Variants in MTCL3 observed in about 807,000 individuals in gnomAD.
The protein encoded by MTCL3 is microtubule cross-linking factor 3.
At chr6:127,505,776 T>C in the MTCL3 span, among the ~76,000 whole-genome samples, 1 of 152,170 alleles carries the variant, frequency 6.6e-6, no homozygotes, top group Admixed American at 6.5e-5. Context: ...GGGTGCAAAC[T>C]TGGAGTTTAA....
chr6:127,509,467 C>G, the MTCL3 span, among the ~76,000 whole-genome samples: 2 of 152,118 alleles, frequency 1.3e-5, no homozygotes, highest in African/African-American at 4.8e-5. Context: ...TCTATTGGTC[C>G]CAGCGGTGCT....
chr6:127,491,370 C>T, the MTCL3 span, among the ~76,000 whole-genome samples: 4 of 152,184 alleles, frequency 2.6e-5, no homozygotes, highest in Admixed American at 6.5e-5. Flanking sequence ...TTGGCAACCA[C>T]CACCCTGATC....
chr6:127,486,704 G>A, the MTCL3 span, among the ~76,000 whole-genome samples: 142 of 151,996 alleles, frequency 9.3e-4, 1 homozygote, highest in African/African-American at 3.2e-3. Flanking sequence ...AGAGGCTGCT[G>A]TTTTTTTTGA....
the MTCL3 span, among the ~76,000 whole-genome samples, chr6:127,512,376 A>G: frequency 2.6e-4 from 39 of 152,188 alleles, no homozygotes; most frequent in Non-Finnish European, 5.1e-4. Flanking sequence ...ATCTTCAGGG[A>G]TAGTCACTGG....
chr6:127,492,410 T>C, the MTCL3 span, among the ~76,000 whole-genome samples: 1 of 152,206 alleles, frequency 6.6e-6, no homozygotes, highest in African/African-American at 2.4e-5. Context: ...AAAAAAAGAA[T>C]GTAAAAGGCT....
the MTCL3 span, chr6:127,514,983 G>A: frequency 2.5e-6 from 4 of 1,614,012 alleles, no homozygotes; most frequent in Non-Finnish European, 3.4e-6. Flanking sequence ...CAGTTGACAG[G>A]CATCCTCCTC....
At chr6:127,495,508 T>G in the MTCL3 span, among the ~76,000 whole-genome samples, 1 of 152,220 alleles carries the variant, frequency 6.6e-6, no homozygotes, top group Non-Finnish European at 1.5e-5. Context: ...AACTCATTAA[T>G]GCAGTGAAAT....
the MTCL3 span, among the ~76,000 whole-genome samples, chr6:127,499,416 TTATC>T: frequency 6.6e-6 from 1 of 151,876 alleles, no homozygotes; most frequent in Non-Finnish European, 1.5e-5. Flanking sequence ...AACTTGAAAA[TTATC>T]TAAGGCCACA....
At chr6:127,513,019 G>A in the MTCL3 span, 2 of 1,610,950 alleles carry the variant, frequency 1.2e-6, no homozygotes, top group Non-Finnish European at 1.7e-6. Context: ...TCTAATTCAT[G>A]GTGAAGTCTC....
the MTCL3 span, chr6:127,483,030 A>T: frequency 6.8e-7 from 1 of 1,466,410 alleles, no homozygotes; most frequent in Non-Finnish European, 9.3e-7. Context: ...CTATAATTTT[A>T]ATTCAATTTT....
chr6:127,510,996 G>A, the MTCL3 span, among the ~76,000 whole-genome samples: 1 of 152,200 alleles, frequency 6.6e-6, no homozygotes, highest in Non-Finnish European at 1.5e-5. Flanking sequence ...GCAGAGGTGG[G>A]AGAATAGCTT....
the MTCL3 span, among the ~76,000 whole-genome samples, chr6:127,477,766 T>A: frequency 6.6e-6 from 1 of 152,186 alleles, no homozygotes; most frequent in Admixed American, 6.5e-5. Context: ...GAACATTACA[T>A]TCCATATAGT....
the MTCL3 span, chr6:127,476,551 A>G: frequency 8.7e-7 from 1 of 1,149,452 alleles, no homozygotes; most frequent in Non-Finnish European, 1.2e-6. This position sits in a 1 kb window ranked among gnomAD's most constrained non-coding sequence, Gnocchi z 4.4. Context: ...ACACCTGGAT[A>G]AATAATTTTT....
chr6:127,500,061 C>A, the MTCL3 span, among the ~76,000 whole-genome samples: 1 of 152,090 alleles, frequency 6.6e-6, no homozygotes, highest in African/African-American at 2.4e-5. Context: ...GCCTTGCCAG[C>A]CCTGGTTTGT....
At chr6:127,495,412 G>A in the MTCL3 span, among the ~76,000 whole-genome samples, 1 of 151,814 alleles carries the variant, frequency 6.6e-6, no homozygotes, top group Non-Finnish European at 1.5e-5. Flanking sequence ...TATAATTCAG[G>A]CAAAGAAAAA....
At chr6:127,515,523 C>A in the MTCL3 span, 1 of 1,454,014 alleles carries the variant, frequency 6.9e-7, no homozygotes, top group South Asian at 1.5e-5. The surrounding 1 kb of genome is among the most constrained non-coding windows in gnomAD (Gnocchi z 4.3). Flanking sequence ...CCTTGAGAGT[C>A]TCGTTTTCCT....
At chr6:127,486,892 G>T in the MTCL3 span, among the ~76,000 whole-genome samples, 5 of 152,106 alleles carry the variant, frequency 3.3e-5, no homozygotes, top group Non-Finnish European at 7.4e-5. Flanking sequence ...CCACAGAGAA[G>T]AATGTGCCTA....
the MTCL3 span, among the ~76,000 whole-genome samples, chr6:127,507,933 T>C: frequency 6.6e-6 from 1 of 151,956 alleles, no homozygotes; most frequent in Non-Finnish European, 1.5e-5. Context: ...TATGCTTACC[T>C]GACACACTCT....
At chr6:127,516,370 C>A in the MTCL3 span, 1 of 1,600,712 alleles carries the variant, frequency 6.2e-7, no homozygotes, top group African/African-American at 1.3e-5. Context: ...GGTCTTGTTA[C>A]CCTGCTGTTG....
Sources: allele counts gnomAD v4.1 joint callset (sites outside exome capture counted in the v4.1 genomes callset), GRCh38; gene constraint gnomAD v4.1.1; non-coding constraint Gnocchi (gnomAD v3.1); transcripts MANE v1.5; gene names NCBI Gene and HGNC (gene_info 2026-07-23, HGNC 2026-07-21).